Variants in CADPS2 observed in about 807,000 individuals in gnomAD.
CADPS2 encodes the protein calcium dependent secretion activator 2.
In CADPS2, 93 loss-of-function variants were observed where a neutral mutation model predicts 172.5. That is an observed-to-expected ratio of 0.54 (90% CI 0.46 to 0.64). The LOEUF (loss-of-function observed/expected upper bound fraction) is 0.64. Among genes scored for constraint, CADPS2 ranks in the 30% least tolerant of loss-of-function variants. CADPS2 has a pLI of 0.00. For missense variants in CADPS2, 1,420 were observed against 1,565.9 expected, an observed-to-expected ratio of 0.91 and a Z score of 1.57; for synonymous variants, 546 against 555.2, an observed-to-expected ratio of 0.98 and a Z score of 0.23.
intron 2 of CADPS2, chr7:122,676,839 T>C: frequency 2.3e-6 from 1 of 436,978 alleles, no homozygotes; most frequent in Non-Finnish European, 4.0e-6. Context: ...GGTGACAGTA[T>C]TTTTTTTTTC....
chr7:122,623,665 C>T (rs972300765), intron 4 of CADPS2, among the ~76,000 whole-genome samples: 4 of 152,122 alleles, frequency 2.6e-5, no homozygotes, highest in Admixed American at 6.6e-5. Flanking sequence ...TGCCCCCAAA[C>T]ACCTAGTTTC....
At chr7:122,524,200 T>C (rs2061028958) in intron 8 of CADPS2, among the ~76,000 whole-genome samples, 1 of 152,176 alleles carries the variant, frequency 6.6e-6, no homozygotes, top group Admixed American at 6.5e-5. Flanking sequence ...CTAATAAAAA[T>C]ACATTCTCTT....
At chr7:122,514,288 C>T (rs1221943856) in intron 8 of CADPS2, among the ~76,000 whole-genome samples, 1 of 152,018 alleles carries the variant, frequency 6.6e-6, no homozygotes, top group African/African-American at 2.4e-5. Context: ...ATTAACAGTG[C>T]AGAGGCTGTT....
chr7:122,694,717 T>G (rs2084845780), intron 2 of CADPS2, among the ~76,000 whole-genome samples: 1 of 152,232 alleles, frequency 6.6e-6, no homozygotes, highest in South Asian at 2.1e-4. Flanking sequence ...GGTAAGTGTA[T>G]TAATTTATAA....
At chr7:122,858,125 T>A (rs1406639106) in intron 1 of CADPS2, among the ~76,000 whole-genome samples, 1 of 152,254 alleles carries the variant, frequency 6.6e-6, no homozygotes, top group Middle Eastern at 3.4e-3. Flanking sequence ...GGGTCCATTT[T>A]ACAGAGTGCC....
At chr7:122,770,235 C>T (rs934362183) in intron 1 of CADPS2, among the ~76,000 whole-genome samples, 6 of 152,084 alleles carry the variant, frequency 3.9e-5, no homozygotes, top group African/African-American at 9.7e-5. Context: ...TTCCTTCTTT[C>T]CTACCCCCAT....
intron 6 of CADPS2, among the ~76,000 whole-genome samples, chr7:122,606,376 T>C (rs1454007582): frequency 6.6e-6 from 1 of 152,154 alleles, no homozygotes; most frequent in African/African-American, 2.4e-5. Context: ...AAAATATACA[T>C]GTGCCTATGT....
intron 17 of CADPS2, among the ~76,000 whole-genome samples, chr7:122,424,847 AGAAGAAAGTTTTC>A (rs1563304503): frequency 1.3e-5 from 2 of 152,206 alleles, no homozygotes; most frequent in East Asian, 3.9e-4. Context: ...GGCTTGAGGG[AGAAGAAAGTTTTC>A]TATGCTGTCT....
chr7:122,352,869 T>C (rs2038865178), intron 27 of CADPS2, among the ~76,000 whole-genome samples: 1 of 152,210 alleles, frequency 6.6e-6, no homozygotes, highest in South Asian at 2.1e-4. Context: ...AAAGCTAATA[T>C]TGTTCACTCT....
intron 1 of CADPS2, among the ~76,000 whole-genome samples, chr7:122,876,876 C>T (rs1284438004): frequency 1.3e-5 from 2 of 151,950 alleles, no homozygotes; most frequent in African/African-American, 4.8e-5. Context: ...GGTAATTTCA[C>T]GAGTGAATTC....
chr7:122,531,803 T>C (rs1303075466), intron 8 of CADPS2, among the ~76,000 whole-genome samples: 5 of 151,906 alleles, frequency 3.3e-5, no homozygotes, highest in African/African-American at 1.2e-4. Context: ...GAGGCTGAGG[T>C]AGGCAGATCA....
chr7:122,353,248 A>G (rs925359280), intron 27 of CADPS2, among the ~76,000 whole-genome samples: 7 of 152,220 alleles, frequency 4.6e-5, no homozygotes, highest in Admixed American at 4.6e-4. Context: ...CCTCGACCCC[A>G]TATCAAGTCT....
rs2038679676 is a variant in CADPS2 at position 122,351,737 on chromosome 7, C to T, written c.3505-6056G>A. Among the ~76,000 whole-genome samples the T allele has an allele frequency of 2.6e-5, 4 of 152,128 alleles. No homozygotes were observed. The South Asian group carries it at 8.3e-4, about 32-fold the overall frequency. On this transcript the variant is annotated intron_variant, in intron 27 of 29. Coordinates refer to ENST00000449022, the MANE Select transcript of CADPS2 (RefSeq NM_017954.11). ...TAAAAGGCAGAATCCTACCTTAATG[C>T]TATGAAGGTATCTGATATCAGAATC...
At chr7:122,408,264 T>C (rs1459302430) in intron 19 of CADPS2, among the ~76,000 whole-genome samples, 1 of 152,194 alleles carries the variant, frequency 6.6e-6, no homozygotes, top group Non-Finnish European at 1.5e-5. Flanking sequence ...TAAATATTTT[T>C]ACATAAATAT....
At chr7:122,735,141 G>A (rs2092053861) in intron 2 of CADPS2, among the ~76,000 whole-genome samples, 2 of 152,084 alleles carry the variant, frequency 1.3e-5, no homozygotes, top group African/African-American at 4.8e-5. Context: ...AAGTGACTGT[G>A]AAAGGCCACT....
intron 6 of CADPS2, among the ~76,000 whole-genome samples, chr7:122,611,865 G>T (rs1400253759): frequency 2.6e-5 from 4 of 151,970 alleles, no homozygotes; most frequent in African/African-American, 9.7e-5. Context: ...CCTATATTAT[G>T]ATAGTGGGAA....
intron 9 of CADPS2, among the ~76,000 whole-genome samples, chr7:122,510,608 A>T (rs767717228): frequency 6.6e-6 from 1 of 152,134 alleles, no homozygotes; most frequent in Non-Finnish European, 1.5e-5. Flanking sequence ...ACAAGTGGTG[A>T]TGAGATTCAC....
At chr7:122,843,576 A>C (rs1407504582) in intron 1 of CADPS2, among the ~76,000 whole-genome samples, 35 of 152,226 alleles carry the variant, frequency 2.3e-4, no homozygotes. Flanking sequence ...GAGTTCTCAA[A>C]CAATGAGTCC....
At chr7:122,706,512 A>G (rs1039572962) in intron 2 of CADPS2, among the ~76,000 whole-genome samples, 2 of 147,346 alleles carry the variant, frequency 1.4e-5, no homozygotes, top group Admixed American at 1.4e-4. Flanking sequence ...GAACTGAAAC[A>G]TATTACTAGG....
Sources: allele counts gnomAD v4.1 joint callset (sites outside exome capture counted in the v4.1 genomes callset), GRCh38; gene constraint gnomAD v4.1.1; transcripts MANE v1.5; gene names NCBI Gene and HGNC (gene_info 2026-07-23, HGNC 2026-07-21).